The following HNRNPLL variants were observed in gnomAD, a reference collection of about 807,000 sequenced individuals.
HNRNPLL encodes the protein heterogeneous nuclear ribonucleoprotein L like.
HNRNPLL carries 25 observed loss-of-function variants against 67.1 expected under a neutral mutation model. The ratio of observed to expected loss-of-function variants is 0.37; its 90% CI spans 0.27 to 0.52. The LOEUF (loss-of-function observed/expected upper bound fraction) is 0.52, where lower values mean the gene tolerates loss of function less well. Among genes scored for constraint, HNRNPLL ranks in the 20% least tolerant of loss-of-function variants. The pLI is 0.90. For missense variants in HNRNPLL, 542 were observed against 673.9 expected, an observed-to-expected ratio of 0.80 and a Z score of 2.17; for synonymous variants, 267 against 241.7, an observed-to-expected ratio of 1.10 and a Z score of -0.97.
chr2:38,585,891 G>A lies in HNRNPLL; in HGVS notation c.309-10C>T, dbSNP rs111991473. The A allele has an allele frequency of 6.7e-7, 1 of 1,498,062 alleles. No individual in the cohort carries two copies. Among genetic ancestry groups the A allele is most frequent in the Non-Finnish European group, 9.3e-7 (1 of 1,076,454 alleles). The allele number at this position is 1,498,062 out of a possible 1,614,324, so 92.8% of individuals were successfully genotyped here. ...CATCATCATCACATAGCTGAAAAGG[G>A]AGAAAAGGAGGAAACACACAAACAC... On this transcript the variant is annotated splice_polypyrimidine_tract_variant and intron_variant, in intron 2 of 12. Transcript: ENST00000449105.
At chr2:38,578,328 ATTAT>A (rs979067908) in intron 6 of HNRNPLL, among the ~76,000 whole-genome samples, 18 of 152,144 alleles carry the variant, frequency 1.2e-4, no homozygotes, top group South Asian at 4.1e-4. Context: ...CAACAAAAAA[ATTAT>A]TTATAAGTTT....
chr2:38,579,948 T>C (rs375678812), intron 6 of HNRNPLL, among the ~76,000 whole-genome samples: 1 of 152,160 alleles, frequency 6.6e-6, no homozygotes, highest in Non-Finnish European at 1.5e-5. Context: ...ACGTTTTACG[T>C]GCTTTAATTA....
intron 8 of HNRNPLL, among the ~76,000 whole-genome samples, chr2:38,572,377 G>A (rs1380440369): frequency 6.6e-6 from 1 of 152,032 alleles, no homozygotes; most frequent in Non-Finnish European, 1.5e-5. Flanking sequence ...CCCACGCATA[G>A]TGACTCACAT....
chr2:38,569,779 T>A, intron 9 of HNRNPLL, 25 bp downstream of exon 9: 1 of 1,203,070 alleles, frequency 8.3e-7, no homozygotes, highest in Non-Finnish European at 1.2e-6. Flanking sequence ...TTTTTTAAAA[T>A]TTATCATTTA....
At chr2:38,565,063 C>T (rs1665804522) in intron 12 of HNRNPLL, among the ~76,000 whole-genome samples, 1 of 151,090 alleles carries the variant, frequency 6.6e-6, no homozygotes, top group Non-Finnish European at 1.5e-5. Flanking sequence ...ATTTTTCTTT[C>T]CTTTAATTTT....
chr2:38,583,699 T>C, intron 4 of HNRNPLL, 142 bp downstream of exon 4: 1 of 497,474 alleles, frequency 2.0e-6, no homozygotes, highest in East Asian at 3.3e-5. Flanking sequence ...CTATGAGTAC[T>C]GCAGTTTCAT....
chr2:38,564,492 C>T (rs1479151639), intron 12 of HNRNPLL, among the ~76,000 whole-genome samples: 5 of 151,478 alleles, frequency 3.3e-5, no homozygotes, highest in East Asian at 3.9e-4. Context: ...TGGTGGTGCA[C>T]GCCTGTAGTC....
In HNRNPLL at chr2:38,569,285, C is replaced by T; in HGVS notation, c.1264G>A (p.Asp422Asn). Residue 422 changes from aspartate (D) to asparagine (N), a missense_variant, in exon 10 of 13, where the codon GAT (aspartate) becomes AAT (asparagine). Physicochemically the swap from Asp to Asn is conservative, Grantham distance 23 (BLOSUM62 1). Transcript: ENST00000449105. ...VVPSQIFELE[D>N]GTSSYKDFAM... is the part of the protein sequence containing the mutation. Reference sequence around the variant, plus strand: ...AAATCTTTGTAGCTGCTGGTACCATCCTCCAGCTCAAATATTTGACTTGGA... The same window carrying T: ...AAATCTTTGTAGCTGCTGGTACCATTCTCCAGCTCAAATATTTGACTTGGA... The T allele has an allele frequency of 6.2e-7, 1 of 1,613,080 alleles. No homozygotes were observed. Among genetic ancestry groups the T allele is most frequent in the Non-Finnish European group, 8.5e-7 (1 of 1,179,386 alleles).
In HNRNPLL at chr2:38,602,570, C is replaced by G; in HGVS notation, c.57G>C (p.Glu19Asp). The G allele has an allele frequency of 1.9e-6, 3 of 1,573,232 alleles. No homozygotes were observed. Among genetic ancestry groups the G allele is most frequent in the Non-Finnish European group, 2.6e-6 (3 of 1,160,898 alleles). The change falls in exon 1 of 13, where the codon GAG becomes GAC. Residue 19 changes from glutamate (E) to aspartate (D), a missense_variant. Glu to Asp is a conservative substitution (Grantham distance 45). This residue lies in a region of HNRNPLL where 127 missense variants were observed against 98.7 expected (regional missense o/e 1.29). Coordinates refer to ENST00000449105, the MANE Select transcript of HNRNPLL (RefSeq NM_138394.4). ...RETYEEDREY[E>D]SQAKRLKTEE... ...CGGTCTTGAGACGCTTGGCCTGGCTCTCGTACTCCCGGTCCTCCTCGTACG... is the reference window on the plus strand; with the variant it reads ...CGGTCTTGAGACGCTTGGCCTGGCTGTCGTACTCCCGGTCCTCCTCGTACG...
At chr2:38,591,972 T>A (rs528165726) in intron 1 of HNRNPLL, among the ~76,000 whole-genome samples, 1 of 151,688 alleles carries the variant, frequency 6.6e-6, no homozygotes, top group Admixed American at 6.6e-5. Flanking sequence ...TGAGACTCCA[T>A]CTCAAAAAAA....
chr2:38,592,501 G>A (rs1193585332), intron 1 of HNRNPLL, among the ~76,000 whole-genome samples: 1 of 152,162 alleles, frequency 6.6e-6, no homozygotes, highest in Non-Finnish European at 1.5e-5. Flanking sequence ...ATTTATACAA[G>A]GGTACCATCT....
intron 12 of HNRNPLL, chr2:38,566,070 G>A: frequency 3.0e-6 from 3 of 987,582 alleles, no homozygotes; most frequent in Non-Finnish European, 3.6e-6. Context: ...AAATTACACA[G>A]CAAAAAGTTT....
At chr2:38,599,928 G>C (rs148919866) in intron 1 of HNRNPLL, 1 of 470,622 alleles carries the variant, frequency 2.1e-6, no homozygotes, top group South Asian at 1.6e-5. Context: ...TGACCACAAA[G>C]GTATTTCTTC....
chr2:38,577,149 C>G (rs1666329474), intron 7 of HNRNPLL, among the ~76,000 whole-genome samples: 1 of 151,874 alleles, frequency 6.6e-6, no homozygotes, highest in South Asian at 2.1e-4. Context: ...ACTTACTGAA[C>G]AATAATTCTT....
rs374173974 is a variant in HNRNPLL, at chr2:38,593,858, G to A, written c.190-2210C>T. Among the ~76,000 whole-genome samples the A allele has an allele frequency of 5.1e-3, 398 of 78,356 alleles. 5 individuals are homozygous for A. The highest frequency in any genetic ancestry group is 0.026 in the African/African-American group (369 of 13,956). 51.4% of individuals were successfully genotyped at this position (78,356 alleles called of 152,430 possible). A position where few individuals can be genotyped will look rare whatever the true frequency, so the allele number is the denominator to read the frequency against. Reference sequence around the variant, plus strand: ...AGACTGGGCGACGGAGTGAGACTCCGTCTCAAAAAAAAAACAAAAAAAAAC... The same window carrying A: ...AGACTGGGCGACGGAGTGAGACTCCATCTCAAAAAAAAAACAAAAAAAAAC... On this transcript the variant is annotated intron_variant, in intron 1 of 12. Coordinates refer to ENST00000449105, the MANE Select transcript of HNRNPLL (RefSeq NM_138394.4).
chr2:38,570,784 T>C (rs1316992769), intron 8 of HNRNPLL, among the ~76,000 whole-genome samples: 1 of 151,948 alleles, frequency 6.6e-6, no homozygotes, highest in Non-Finnish European at 1.5e-5. Context: ...CTCACACTTG[T>C]AATCCCAGCA....
intron 6 of HNRNPLL, among the ~76,000 whole-genome samples, chr2:38,578,700 C>T (rs1666401517): frequency 6.6e-6 from 1 of 152,004 alleles, no homozygotes; most frequent in South Asian, 2.1e-4. Context: ...GACCATTTAG[C>T]TTCTGCTTAC....
chr2:38,574,902 A>T (rs1433903926), intron 7 of HNRNPLL, among the ~76,000 whole-genome samples: 1 of 151,852 alleles, frequency 6.6e-6, no homozygotes, highest in East Asian at 1.9e-4. Flanking sequence ...CCAAGATTCA[A>T]ATATCAATTA....
intron 6 of HNRNPLL, chr2:38,581,488 A>G (rs1269043587): frequency 9.7e-6 from 2 of 205,568 alleles, no homozygotes; most frequent in Non-Finnish European, 1.9e-5. Flanking sequence ...GATGTTGTGC[A>G]TGATGAAGTG....
Sources: gnomAD v4.1 joint callset for allele counts (sites outside exome capture counted in the v4.1 genomes callset) on GRCh38, gnomAD v4.1.1 for gene constraint, gnomAD v4.1.1 regional missense constraint, MANE v1.5 for transcripts, NCBI Gene and HGNC (gene_info 2026-07-23, HGNC 2026-07-21) for gene names.